The following LDHA variants were observed in gnomAD, a reference collection of about 807,000 sequenced individuals.
LDHA encodes the protein L-lactate dehydrogenase A chain.
LDHA carries 10 observed loss-of-function variants against 36.3 expected under a neutral mutation model. The ratio of observed to expected loss-of-function variants is 0.28; its 90% CI spans 0.17 to 0.47. LDHA has a LOEUF of 0.47. Ranked by LOEUF, LDHA falls within the 20% of genes least tolerant of loss-of-function variation. The probability of loss-of-function intolerance (pLI) is 0.99; values close to 1 mark genes in which losing one functional copy is unlikely to be tolerated. For missense variants in LDHA, 267 were observed against 405.8 expected (o/e 0.66, Z 2.94); for synonymous variants, 110 against 136.7 (o/e 0.80, Z 1.36).
At chr11:18,403,579 C>A (rs747621831) in intron 5 of LDHA, 115 bp from the exon 6 acceptor site, 3 of 783,552 alleles carry the variant, frequency 3.8e-6, no homozygotes, top group Non-Finnish European at 6.9e-6. Flanking sequence ...GTAGTCTTGA[C>A]CATCTACCAA....
In LDHA at chr11:18,400,878, G is replaced by A; in HGVS notation, c.286G>A (p.Ala96Thr). 3.1e-6 allele frequency: 5 copies of A among 1,613,510 alleles called. No individual in the cohort carries two copies. The highest frequency in any genetic ancestry group is 4.2e-6 in the Non-Finnish European group (5 of 1,179,706). The change falls in exon 4 of 8, where the codon GCT becomes ACT. Residue 96 changes from alanine to threonine, a missense_variant. Physicochemically the swap from Ala to Thr is moderately conservative, Grantham distance 58 (BLOSUM62 0). Transcript: ENST00000422447. ...TANSKLVIIT[A>T]GARQQEGESR... ...AAACTCCAAGCTGGTCATTATCACGGCTGGGGCACGTCAGCAAGAGGGAGA... is the reference window on the plus strand; with the variant it reads ...AAACTCCAAGCTGGTCATTATCACGACTGGGGCACGTCAGCAAGAGGGAGA...
At chr11:18,394,987 G>T (rs1344714739) in intron 1 of LDHA, 4 of 237,718 alleles carry the variant, frequency 1.7e-5, no homozygotes, top group African/African-American at 9.3e-5. Context: ...AAATCGGCGG[G>T]CGGTGCAAAA....
chr11:18,398,630 C>CCT (rs397944290), intron 2 of LDHA: 1 of 5,596 alleles, frequency 1.8e-4, no homozygotes, highest in Non-Finnish European at 6.2e-4. Flanking sequence ...TTTTTTTTTT[C>CCT]TGAGAAGGAG....
chr11:18,396,290 GT>G (rs1277416192), intron 1 of LDHA: 1 of 372,188 alleles, frequency 2.7e-6, no homozygotes, highest in Non-Finnish European at 4.8e-6. Context: ...AAAGCCGGGC[GT>G]TCGGAGGACC....
intron 4 of LDHA, chr11:18,402,537 G>C (rs895097984): frequency 5.7e-6 from 2 of 349,696 alleles, no homozygotes; most frequent in African/African-American, 4.2e-5. Context: ...GCCTCAGGCA[G>C]TCCTCCCACC....
chr11:18,407,453 CA>C lies in LDHA; in HGVS notation c.*173del, dbSNP rs772778240. On this transcript the variant is annotated 3_prime_UTR_variant, in exon 8 of 8. Transcript: ENST00000422447. ...AAATAAGAATGGTTTGTAAAATCCA[CA>C]GCTATATCCTGATGCTGGATGGTAT... is the stretch of plus-strand genomic sequence containing the variant. 1 of 1,294,052 alleles carries C rather than the reference CA, an allele frequency of 7.7e-7. No individual in the cohort carries two copies. The highest frequency in any genetic ancestry group is 1.1e-6 in the Non-Finnish European group (1 of 914,896). The allele number at this position is 1,294,052 out of a possible 1,614,324, so 80.2% of individuals were successfully genotyped here.
chr11:18,396,802 T>A lies in LDHA; in HGVS notation c.-24-17T>A. ...TTAAAGAAGCTGTAGTGACACTAAATGTTTTTCCTCCTATAGATTCCTTTT... is the reference window on the plus strand; with the variant it reads ...TTAAAGAAGCTGTAGTGACACTAAAAGTTTTTCCTCCTATAGATTCCTTTT... On this transcript the variant is annotated splice_polypyrimidine_tract_variant and intron_variant, in intron 1 of 7. Coordinates refer to ENST00000422447, the MANE Select transcript of LDHA (RefSeq NM_005566.4). The A allele has an allele frequency of 2.5e-6, 4 of 1,582,772 alleles. No individual in the cohort carries two copies. The highest frequency in any genetic ancestry group is 3.4e-6 in the Non-Finnish European group (4 of 1,164,572).
intron 6 of LDHA, among the ~76,000 whole-genome samples, chr11:18,404,913 C>T (rs531918107): frequency 5.9e-5 from 9 of 152,108 alleles, no homozygotes; most frequent in Non-Finnish European, 1.3e-4. Context: ...TGTGAACCCA[C>T]CACCCAGCTC....
chr11:18,405,572 G>C lies in LDHA; in HGVS notation c.834G>C (p.Lys278Asn). 2 of 1,613,824 alleles carry C rather than the reference G, an allele frequency of 1.2e-6. No individual in the cohort carries two copies. Among genetic ancestry groups the C allele is most frequent in the Non-Finnish European group, 1.7e-6 (2 of 1,179,824 alleles). The change falls in exon 7 of 8, where the codon AAG becomes AAC. Residue 278 changes from lysine (K) to asparagine (N), a missense_variant and splice_region_variant. Coordinates refer to ENST00000422447, the MANE Select transcript of LDHA (RefSeq NM_005566.4). ...TGCACCCAGTTTCCACCATGATTAA[G>C]GTAGGTCTATGTAGTGATACGCTGC... The part of the protein sequence containing the change: ...RRVHPVSTMI[K>N]GLYGIKDDVF...
At chr11:18,396,797 C>T (rs751878211) in intron 1 of LDHA, 22 bp from the exon 2 acceptor site, 2 of 1,576,888 alleles carry the variant, frequency 1.3e-6, no homozygotes, top group South Asian at 2.3e-5. Context: ...TGTAGTGACA[C>T]TAAATGTTTT....
At position 18,402,822 on chromosome 11, in the gene LDHA, T is replaced by TTTTCTCC. The variant is rs1245986871; in HGVS notation, c.419-14_419-8dup. On this transcript the variant is annotated splice_polypyrimidine_tract_variant and intron_variant, in intron 4 of 7. Transcript: ENST00000422447. ...GGGAGAGGATAATGGGTGATTTTTA[T>TTTTCTCC]TTTCTCCTTTTTCATAGTGGATATC... 27 of 1,601,416 alleles carry TTTTCTCC rather than the reference T, an allele frequency of 1.7e-5. No homozygotes were observed. The highest frequency in any genetic ancestry group is 1.7e-4 in the Middle Eastern group (1 of 6,060).
intron 6 of LDHA, among the ~76,000 whole-genome samples, chr11:18,405,057 A>C (rs1045768258): frequency 6.6e-6 from 1 of 152,212 alleles, no homozygotes; most frequent in Non-Finnish European, 1.5e-5. Context: ...CCCACTTGAG[A>C]TAATCCTGAG....
Position 18,407,534 on chromosome 11 carries a change from G to A in LDHA, c.*253G>A, listed in dbSNP as rs758268446. Reference sequence around the variant, plus strand: ...GTGAAATAGTTCTGCCACCTCTGACGCACCACTGCCAATGCTGTACGTACT... The same window carrying A: ...GTGAAATAGTTCTGCCACCTCTGACACACCACTGCCAATGCTGTACGTACT... On this transcript the variant is annotated 3_prime_UTR_variant, in exon 8 of 8. Coordinates refer to ENST00000422447, the MANE Select transcript of LDHA (RefSeq NM_005566.4). The A allele has an allele frequency of 1.9e-5, 14 of 755,670 alleles. No individual in the cohort carries two copies. The highest frequency in any genetic ancestry group is 2.5e-5 in the Non-Finnish European group (11 of 434,854). The allele number at this position is 755,670 out of a possible 1,614,324, so 46.8% of individuals were successfully genotyped here. A position where few individuals can be genotyped will look rare whatever the true frequency, so the allele number is the denominator to read the frequency against.
chr11:18,395,534 T>C (rs1410324852), intron 1 of LDHA, among the ~76,000 whole-genome samples: 1 of 152,000 alleles, frequency 6.6e-6, no homozygotes, highest in Non-Finnish European at 1.5e-5. Context: ...GGAACTCCCT[T>C]CCCCCTGCCA....
intron 1 of LDHA, among the ~76,000 whole-genome samples, chr11:18,395,751 A>G (rs1224595344): frequency 6.6e-6 from 1 of 152,222 alleles, no homozygotes; most frequent in Non-Finnish European, 1.5e-5. Context: ...TTGGATTAAC[A>G]AGGTGGAAAG....
At chr11:18,396,999 A>T in intron 2 of LDHA, 31 bp downstream of exon 2, 2 of 1,609,684 alleles carry the variant, frequency 1.2e-6, no homozygotes, top group Non-Finnish European at 8.5e-7. Flanking sequence ...CTGGAAGCCC[A>T]TACCTTGACC....
At chr11:18,397,023 C>T in intron 2 of LDHA, 55 bp downstream of exon 2, 1 of 1,437,944 alleles carries the variant, frequency 7.0e-7, no homozygotes, top group Non-Finnish European at 9.8e-7. Context: ...TCCTCTACCC[C>T]CACTCCTACC....
At chr11:18,405,189 G>A (rs998743062) in intron 6 of LDHA, among the ~76,000 whole-genome samples, 1 of 151,970 alleles carries the variant, frequency 6.6e-6, no homozygotes, top group Non-Finnish European at 1.5e-5. Context: ...ATATTCCATT[G>A]TATCAGTATA....
In LDHA at chr11:18,394,608, C is replaced by A. The variant is rs1243742040; in HGVS notation, c.-53C>A. 2.2e-6 allele frequency: 1 copy of A among 454,138 alleles called. No individual in the cohort carries two copies. The highest frequency in any genetic ancestry group is 2.0e-5 in the African/African-American group (1 of 50,128). The allele number at this position is 454,138 out of a possible 1,614,324, so 28.1% of individuals were successfully genotyped here. The stretch of plus-strand genomic sequence containing the variant: ...GATTCCGGATCTCATTGCCACGCGC[C>A]CCCGACGACCGCCCGACGTGCATTC... On this transcript the variant is annotated 5_prime_UTR_variant, in exon 1 of 8. Transcript: ENST00000422447.
Sources: allele counts gnomAD v4.1 joint callset (sites outside exome capture counted in the v4.1 genomes callset), GRCh38; gene constraint gnomAD v4.1.1; transcripts MANE v1.5; gene names NCBI Gene and HGNC (gene_info 2026-07-23, HGNC 2026-07-21).